Variants in PTPN13 observed in about 807,000 individuals in gnomAD.
PTPN13 encodes the protein tyrosine-protein phosphatase non-receptor type 13.
In PTPN13, 191 loss-of-function variants were observed where a neutral mutation model predicts 284.0. That is an observed-to-expected ratio of 0.67 (90% CI 0.60 to 0.76). The LOEUF (loss-of-function observed/expected upper bound fraction) is 0.76. Ranked by LOEUF, PTPN13 falls within the 30% of genes least tolerant of loss-of-function variation. The pLI, the probability that PTPN13 is intolerant of heterozygous loss-of-function variation, is 0.00. For synonymous variants in PTPN13, 986 were observed against 1,022.3 expected, an observed-to-expected ratio of 0.96 and a Z score of 0.68; for missense variants, 2,797 against 2,939.9, an observed-to-expected ratio of 0.95 and a Z score of 1.12.
intron 7 of PTPN13, among the ~76,000 whole-genome samples, chr4:86,711,839 A>G (rs1732458674): frequency 6.6e-6 from 1 of 152,208 alleles, no homozygotes; most frequent in African/African-American, 2.4e-5. Flanking sequence ...CATTACAGTT[A>G]TAACATTGCA....
intron 2 of PTPN13, among the ~76,000 whole-genome samples, chr4:86,639,689 G>A (rs1723530434): frequency 6.6e-6 from 1 of 151,702 alleles, no homozygotes. Context: ...TGGGGTGGGG[G>A]GAAGGGGGAA....
intron 2 of PTPN13, among the ~76,000 whole-genome samples, chr4:86,659,970 A>G (rs968457068): frequency 2.6e-5 from 4 of 152,372 alleles, no homozygotes; most frequent in East Asian, 1.9e-4. Context: ...ACATTTTCAT[A>G]TGAAAACTGT....
intron 17 of PTPN13, among the ~76,000 whole-genome samples, chr4:86,746,882 G>A (rs1234757370): frequency 1.3e-5 from 2 of 151,902 alleles, no homozygotes; most frequent in Non-Finnish European, 2.9e-5. Context: ...TGCCCGCCTC[G>A]GCCTCCCAAC....
At chr4:86,807,268 T>C (rs545651615) in intron 44 of PTPN13, among the ~76,000 whole-genome samples, 1 of 152,266 alleles carries the variant, frequency 6.6e-6, no homozygotes, top group African/African-American at 2.4e-5. Context: ...TCTAAATGCA[T>C]TTATTAACTT....
At chr4:86,734,530 A>G (rs1735280605) in intron 13 of PTPN13, 74 bp downstream of exon 13, 5 of 1,344,256 alleles carry the variant, frequency 3.7e-6, no homozygotes, top group Admixed American at 2.9e-5. Flanking sequence ...CTGATACTGA[A>G]TTACTTGATT....
chr4:86,778,726 A>T (rs548065211), intron 35 of PTPN13, among the ~76,000 whole-genome samples: 1 of 152,016 alleles, frequency 6.6e-6, no homozygotes, highest in African/African-American at 2.4e-5. Context: ...TTCTTTCTTT[A>T]AAAAAAAGTG....
At chr4:86,727,430 GTC>G (rs1424227382) in intron 10 of PTPN13, among the ~76,000 whole-genome samples, 2 of 149,086 alleles carry the variant, frequency 1.3e-5, no homozygotes, top group African/African-American at 2.4e-5. Flanking sequence ...TCGGCTGTCA[GTC>G]TCTCTGGTCT....
chr4:86,623,434 A>G (rs1298530048), intron 1 of PTPN13, among the ~76,000 whole-genome samples: 4 of 152,182 alleles, frequency 2.6e-5, no homozygotes, highest in Non-Finnish European at 5.9e-5. Flanking sequence ...AGGTTTCTAG[A>G]TATTCCTTAA....
At chr4:86,690,356 T>A (rs1344254505) in intron 5 of PTPN13, 1 of 152,186 alleles carries the variant, frequency 6.6e-6, no homozygotes, top group Non-Finnish European at 1.5e-5. Flanking sequence ...GTTTTAAAAA[T>A]TCCTCTATGA....
intron 27 of PTPN13, among the ~76,000 whole-genome samples, chr4:86,767,242 C>CTTT (rs71657583): frequency 1.9e-4 from 24 of 126,726 alleles, no homozygotes; most frequent in Admixed American, 1.6e-4. Flanking sequence ...CCACACCTGG[C>CTTT]TTTTTTTTTT....
chr4:86,741,938 T>C, intron 16 of PTPN13, 122 bp downstream of exon 16: 1 of 730,854 alleles, frequency 1.4e-6, no homozygotes, highest in Non-Finnish European at 2.1e-6. Context: ...CTTAATACTA[T>C]TTAACTCTTC....
At chr4:86,809,666 G>A in intron 45 of PTPN13, 103 bp from the exon 46 acceptor site, 3 of 1,089,930 alleles carry the variant, frequency 2.8e-6, no homozygotes, top group African/African-American at 1.6e-5. Context: ...ACTCCAGCCT[G>A]GACAACAGAA....
Position 86,596,620 on chromosome 4 carries a change from A to G in PTPN13, c.-6+1831A>G, listed in dbSNP as rs565256512. Among the ~76,000 whole-genome samples, 7 of 152,264 alleles carry G rather than the reference A, an allele frequency of 4.6e-5. No individual in the cohort carries two copies. In the East Asian group the frequency reaches 1.2e-3, roughly 25 times the overall value. Reference sequence around the variant, plus strand: ...ATCTTTAAATGAATGAAATTTATGTATTCTTTGTTATTGAGAAAAACGGGT... The same window carrying G: ...ATCTTTAAATGAATGAAATTTATGTGTTCTTTGTTATTGAGAAAAACGGGT... On this transcript the variant is annotated intron_variant, in intron 1 of 47. Transcript: ENST00000411767.
chr4:86,778,829 G>A (rs1169073485), intron 35 of PTPN13, among the ~76,000 whole-genome samples: 1 of 151,772 alleles, frequency 6.6e-6, no homozygotes, highest in Non-Finnish European at 1.5e-5. Flanking sequence ...AGCTACCTCA[G>A]GTGTTTTTTA....
chr4:86,630,054 C>T (rs1722300388), intron 1 of PTPN13, among the ~76,000 whole-genome samples: 2 of 152,280 alleles, frequency 1.3e-5, no homozygotes, highest in South Asian at 4.1e-4. Flanking sequence ...GCATAAGTCA[C>T]TGCACCTGGC....
intron 19 of PTPN13, among the ~76,000 whole-genome samples, chr4:86,751,570 T>C (rs1016133722): frequency 8.5e-5 from 13 of 152,162 alleles, no homozygotes; most frequent in Non-Finnish European, 1.5e-4. Context: ...TCTGCCCACC[T>C]TGGCCTCCCA....
rs577122961 is a variant in PTPN13, at chr4:86,772,798, C to T, written c.5189C>T (p.Pro1730Leu). 1.6e-4 allele frequency: 255 copies of T among 1,606,364 alleles called. 2 individuals carry two copies. In the Middle Eastern group the frequency reaches 2.3e-3, roughly 15 times the overall value. ...FEDSNPSPLPPDMAPGQSYQP... is the reference protein window; with the variant it reads ...FEDSNPSPLPLDMAPGQSYQP... ...TGTAGTAATCCTTCCCCTCTACCAC[C>T]GGATATGGCTCCTGGGCAGAGTTAT... The change falls in exon 32 of 48, where the codon CCG becomes CTG. Residue 1730 changes from proline to leucine, a missense_variant. Pro to Leu is a moderately conservative substitution (Grantham distance 98). Transcript: ENST00000411767.
chr4:86,610,192 G>A lies in PTPN13; in HGVS notation c.-6+15403G>A, dbSNP rs192119221. ...TCACACCACTGCACTCCAGCCAGAC[G>A]ACAGCAAAACTCCATCTCAAAAATA... is the stretch of plus-strand genomic sequence containing the variant. On this transcript the variant is annotated intron_variant, in intron 1 of 47. Coordinates refer to ENST00000411767, the MANE Select transcript of PTPN13 (RefSeq NM_080683.3). Among the ~76,000 whole-genome samples the A allele has an allele frequency of 9.3e-4, 141 of 151,996 alleles. 1 individual carries two copies. Among genetic ancestry groups the A allele is most frequent in the African/African-American group, 3.3e-3 (138 of 41,456 alleles).
At position 86,807,768 on chromosome 4, in the gene PTPN13, A is replaced by G. The variant is rs765992094; in HGVS notation, c.6954A>G (p.Lys2318=). ...MTQEVEGEKI[K]CQRYWPNILG... is the part of the protein sequence containing the mutation. ...AAGAAGTAGAAGGAGAAAAAATCAA[A>G]TGCCAGCGCTATTGGCCCAACATCC... is the stretch of plus-strand genomic sequence containing the variant. The change falls in exon 45 of 48, where the codon AAA becomes AAG. Residue 2318 remains lysine (K), a synonymous_variant. Transcript: ENST00000411767. The G allele has an allele frequency of 6.2e-6, 10 of 1,614,050 alleles. No individual in the cohort carries two copies. In the South Asian group the frequency reaches 1.1e-4, roughly 18 times the overall value.
Sources: allele counts gnomAD v4.1 joint callset (sites outside exome capture counted in the v4.1 genomes callset), GRCh38; gene constraint gnomAD v4.1.1; transcripts MANE v1.5; gene names NCBI Gene and HGNC (gene_info 2026-07-23, HGNC 2026-07-21).